The following COL4A6 variants were observed in gnomAD, a reference collection of about 807,000 sequenced individuals.
The protein encoded by COL4A6 is collagen alpha-6(IV) chain.
Under a neutral mutation model 126.7 loss-of-function variants are expected in COL4A6, and 59 were observed. The ratio of observed to expected loss-of-function variants is 0.47; its 90% CI spans 0.38 to 0.58. The LOEUF (loss-of-function observed/expected upper bound fraction) is 0.58, where lower values mean the gene tolerates loss of function less well. COL4A6 is among the 20% of genes least tolerant of loss of function. COL4A6 has a pLI of 0.00. For synonymous variants in COL4A6, 547 were observed against 496.6 expected (o/e 1.10, Z -1.35); for missense variants, 1,285 against 1,337.3 (o/e 0.96, Z 0.61).
chrX:108,209,129 G>A (rs1177495454), intron 8 of COL4A6, among the ~76,000 whole-genome samples: 1 of 112,021 alleles, frequency 8.9e-6, no homozygotes. Context: ...GTGTGTGCTT[G>A]CACACATCCC....
At chrX:108,187,642 C>T (rs1218276499) in intron 22 of COL4A6, among the ~76,000 whole-genome samples, 1 of 112,024 alleles carries the variant, frequency 8.9e-6, no homozygotes, top group African/African-American at 3.3e-5. Context: ...TAGCATTTAT[C>T]AAATGAGACA....
chrX:108,190,791 C>A (rs1397336127), intron 19 of COL4A6, among the ~76,000 whole-genome samples: 1 of 112,134 alleles, frequency 8.9e-6, no homozygotes, highest in Non-Finnish European at 1.9e-5. Flanking sequence ...TCAGCAGTCC[C>A]AATGTCTACC....
intron 3 of COL4A6, among the ~76,000 whole-genome samples, chrX:108,228,757 G>A (rs2036233958): frequency 8.9e-6 from 1 of 112,218 alleles, no homozygotes; most frequent in African/African-American, 3.2e-5. Flanking sequence ...AACCAGCCCC[G>A]TGATTCAATT....
chrX:108,365,069 G>A (rs1312369735), intron 2 of COL4A6, among the ~76,000 whole-genome samples: 2 of 111,292 alleles, frequency 1.8e-5, no homozygotes, highest in Non-Finnish European at 3.8e-5. Flanking sequence ...CCCTCTGTAT[G>A]GGAGACCCCT....
At chrX:108,350,696 A>C (rs1033414450) in intron 2 of COL4A6, among the ~76,000 whole-genome samples, 2 of 111,756 alleles carry the variant, frequency 1.8e-5, no homozygotes, top group African/African-American at 6.5e-5. Context: ...CATAAGTAAC[A>C]ACTAAATCTT....
intron 2 of COL4A6, among the ~76,000 whole-genome samples, chrX:108,345,405 T>C (rs1261993668): frequency 1.8e-5 from 2 of 111,850 alleles, no homozygotes; most frequent in Admixed American, 9.5e-5. Context: ...GCATGAGTTA[T>C]AGCATCATCT....
chrX:108,420,566 AGG>A (rs1418161810), intron 2 of COL4A6, among the ~76,000 whole-genome samples: 1 of 111,917 alleles, frequency 8.9e-6, no homozygotes, highest in Admixed American at 9.5e-5. Context: ...GAGCCTCAGT[AGG>A]GGCCTTAGTG....
intron 2 of COL4A6, among the ~76,000 whole-genome samples, chrX:108,381,714 CATT>C (rs1317870897): frequency 2.7e-5 from 3 of 111,261 alleles, no homozygotes; most frequent in African/African-American, 9.8e-5. Flanking sequence ...AAATGTTAAT[CATT>C]ATAATAATAA....
intron 2 of COL4A6, among the ~76,000 whole-genome samples, chrX:108,425,175 G>A (rs969727817): frequency 2.0e-5 from 2 of 99,422 alleles, no homozygotes; most frequent in Admixed American, 1.0e-4. Flanking sequence ...GTATGTGTGT[G>A]TGTGTGTGTG....
chrX:108,261,368 G>T (rs904507689), intron 3 of COL4A6, among the ~76,000 whole-genome samples: 1 of 111,328 alleles, frequency 9.0e-6, no homozygotes, highest in Non-Finnish European at 1.9e-5. Flanking sequence ...GTGGGTAGGG[G>T]TTCCAAGATG....
chrX:108,347,794 G>T (rs2039742876), intron 2 of COL4A6, among the ~76,000 whole-genome samples: 2 of 110,437 alleles, frequency 1.8e-5, no homozygotes, highest in African/African-American at 6.6e-5. Flanking sequence ...CACTGGGCTG[G>T]ACATGTGTGA....
chrX:108,407,259 T>C lies in COL4A6; in HGVS notation c.63+30683A>G, dbSNP rs140061507. 8.8e-3 allele frequency among the ~76,000 whole-genome samples: 989 copies of C among 112,405 alleles called. 7 individuals are homozygous for C. The highest frequency in any genetic ancestry group is 0.015 in the Non-Finnish European group (776 of 53,251). ...CCTTGAGAGATTAATGCTAAATTGCTTTCCTTCTTCAGAGGATATTAAGGC... is the reference window on the plus strand; with the variant it reads ...CCTTGAGAGATTAATGCTAAATTGCCTTCCTTCTTCAGAGGATATTAAGGC... On this transcript the variant is annotated intron_variant, in intron 2 of 44. Coordinates refer to ENST00000334504, the MANE Select transcript of COL4A6 (RefSeq NM_033641.4).
chrX:108,352,823 A>C (rs1569439356), intron 2 of COL4A6, among the ~76,000 whole-genome samples: 1 of 112,257 alleles, frequency 8.9e-6, no homozygotes, highest in African/African-American at 3.2e-5. Flanking sequence ...TGTCATTAGC[A>C]TTGAGCTATG....
At chrX:108,293,407 T>C (rs2038229426) in intron 3 of COL4A6, among the ~76,000 whole-genome samples, 1 of 111,670 alleles carries the variant, frequency 9.0e-6, no homozygotes, top group Non-Finnish European at 1.9e-5. Flanking sequence ...TGGTACTTGC[T>C]CTTACATTGT....
chrX:108,431,642 T>C (rs377733004), intron 2 of COL4A6, among the ~76,000 whole-genome samples: 3 of 111,500 alleles, frequency 2.7e-5, no homozygotes, highest in Non-Finnish European at 3.8e-5. Flanking sequence ...TTAGGTTCAA[T>C]TGGACTGGAT....
intron 2 of COL4A6, among the ~76,000 whole-genome samples, chrX:108,364,068 C>T (rs980882043): frequency 5.5e-5 from 6 of 109,930 alleles, no homozygotes; most frequent in Admixed American, 9.7e-5. Flanking sequence ...GATGGGGTTT[C>T]GCCACATTGG....
intron 2 of COL4A6, 134 bp from the exon 3 acceptor site, chrX:108,310,962 CA>C: frequency 2.0e-6 from 1 of 490,086 alleles, no homozygotes; most frequent in Non-Finnish European, 3.5e-6. Context: ...TGTCAGTAGT[CA>C]AATGAAATAA....
intron 25 of COL4A6, 65 bp from the exon 26 acceptor site, chrX:108,179,503 T>A: frequency 1.2e-6 from 1 of 861,505 alleles, no homozygotes; most frequent in South Asian, 2.6e-5. Context: ...TGAGTACAGA[T>A]CTCTGAGACA....
intron 2 of COL4A6, among the ~76,000 whole-genome samples, chrX:108,372,284 A>G (rs1407954775): frequency 2.7e-5 from 3 of 111,236 alleles, no homozygotes; most frequent in Non-Finnish European, 3.8e-5. Flanking sequence ...AATCAAAACT[A>G]ATCACCAAAC....
Sources: allele counts gnomAD v4.1 joint callset (sites outside exome capture counted in the v4.1 genomes callset), GRCh38; gene constraint gnomAD v4.1.1; transcripts MANE v1.5; gene names NCBI Gene and HGNC (gene_info 2026-07-23, HGNC 2026-07-21).